CASZ1: variants seen among roughly 807,000 people sequenced by gnomAD.
CASZ1 encodes castor zinc finger 1.
CASZ1 carries 28 observed loss-of-function variants against 135.2 expected under a neutral mutation model. The ratio of observed to expected loss-of-function variants is 0.21; its 90% confidence interval spans 0.15 to 0.28. CASZ1 has a LOEUF of 0.28. CASZ1 is among the 10% of genes least tolerant of loss of function. The pLI is 1.00. For synonymous variants in CASZ1, 1,068 were observed against 1,073.4 expected, an observed-to-expected ratio of 0.99 and a Z score of 0.10; for missense variants, 2,161 against 2,453.3, an observed-to-expected ratio of 0.88 and a Z score of 2.52.
chr1:10,660,599 C>T (rs777298676), intron 5 of CASZ1, 63 bp from the exon 6 acceptor site: 1 of 1,465,642 alleles, frequency 6.8e-7, no homozygotes, highest in African/African-American at 1.4e-5. Context: ...GAGGTCCCCC[C>T]ACTGGGGGCC....
chr1:10,690,237 C>G (rs925196104), intron 4 of CASZ1, among the ~76,000 whole-genome samples: 1 of 152,224 alleles, frequency 6.6e-6, no homozygotes, highest in African/African-American at 2.4e-5. Context: ...TTCCTAGAAG[C>G]CTCCACACTT....
intron 5 of CASZ1, among the ~76,000 whole-genome samples, chr1:10,663,931 G>C (rs1479871145): frequency 6.6e-6 from 1 of 152,204 alleles, no homozygotes; most frequent in Non-Finnish European, 1.5e-5. Context: ...TGGCCTGGGT[G>C]GGGGTGTGGA....
intron 2 of CASZ1, among the ~76,000 whole-genome samples, chr1:10,731,745 C>T (rs998419922): frequency 2.0e-5 from 3 of 152,196 alleles, no homozygotes; most frequent in African/African-American, 4.8e-5. Flanking sequence ...TTGAGATACT[C>T]CTGCCTTTGC....
In CASZ1 at chr1:10,707,218, C is replaced by T. The variant is rs544239191; in HGVS notation, c.-76-1674G>A. Among the ~76,000 whole-genome samples, 2 of 152,278 alleles carry T rather than the reference C, an allele frequency of 1.3e-5. No homozygotes were observed. The highest frequency in any genetic ancestry group is 2.1e-4 in the South Asian group (1 of 4,828). ...CTCCACAACTCTGGTATCTCCCTTCCACCACCTTTCTCTCCCCTCCCATCC... is the reference window on the plus strand; with the variant it reads ...CTCCACAACTCTGGTATCTCCCTTCTACCACCTTTCTCTCCCCTCCCATCC... On this transcript the variant is annotated intron_variant, in intron 2 of 20. Coordinates refer to ENST00000377022, the MANE Select transcript of CASZ1 (RefSeq NM_001079843.3). This position sits in a 1 kb window ranked among gnomAD's most constrained non-coding sequence, Gnocchi z 5.0.
intron 3 of CASZ1, among the ~76,000 whole-genome samples, chr1:10,695,923 C>T (rs1270418190): frequency 1.3e-5 from 2 of 152,108 alleles, no homozygotes; most frequent in Non-Finnish European, 2.9e-5. Context: ...TCTTCACCTA[C>T]CCTGCTGCCC....
chr1:10,749,635 G>A (rs1009838483), intron 2 of CASZ1, among the ~76,000 whole-genome samples: 4 of 152,094 alleles, frequency 2.6e-5, no homozygotes, highest in African/African-American at 4.8e-5. Context: ...TGGACCAGGC[G>A]AATACGGAGA....
chr1:10,766,397 G>C (rs74976027), intron 1 of CASZ1, among the ~76,000 whole-genome samples: 1 of 152,186 alleles, frequency 6.6e-6, no homozygotes, highest in Admixed American at 6.5e-5. Context: ...TCAGTAAAAT[G>C]GGGATAAAGA....
In CASZ1 at chr1:10,756,393, G is replaced by A. The variant is rs1409239874; in HGVS notation, c.-77+4308C>T. ...TCTCCAGAGTGTTCCTGGAAGGCTG[G>A]GCTGGCCCATATGGCTGGGAATACG... On this transcript the variant is annotated intron_variant, in intron 2 of 20. Transcript: ENST00000377022. This position sits in a 1 kb window ranked among gnomAD's most constrained non-coding sequence, Gnocchi z 5.9. 1.3e-5 allele frequency among the ~76,000 whole-genome samples: 2 copies of A among 152,334 alleles called. No homozygotes were observed. Among genetic ancestry groups the A allele is most frequent in the East Asian group, 3.9e-4 (2 of 5,182 alleles).
intron 4 of CASZ1, among the ~76,000 whole-genome samples, chr1:10,672,344 A>G (rs1375292913): frequency 6.6e-6 from 1 of 151,612 alleles, no homozygotes; most frequent in Non-Finnish European, 1.5e-5. Flanking sequence ...TTTCCGATTC[A>G]CTGCTCCTGA....
chr1:10,637,115 T>C lies in CASZ1; in HGVS notation c.*1827A>G, dbSNP rs1407004874. The C allele has an allele frequency of 6.6e-6, 1 of 151,972 alleles. No individual in the cohort carries two copies. The highest frequency in any genetic ancestry group is 3.4e-3 in the Middle Eastern group (1 of 294). 9.4% of individuals were successfully genotyped at this position (151,972 alleles called of 1,614,324 possible). A position where few individuals can be genotyped will look rare whatever the true frequency, so the allele number is the denominator to read the frequency against. On this transcript the variant is annotated 3_prime_UTR_variant, in exon 21 of 21. Coordinates refer to ENST00000377022, the MANE Select transcript of CASZ1 (RefSeq NM_001079843.3). ...TCCGCACTGTCGGCATCTTCTTCTT[T>C]TCTTCTTTTTTTTTTTTAAGTTTGA...
In CASZ1 at chr1:10,657,183, A is replaced by G. The variant is rs996687115; in HGVS notation, c.1410-447T>C. Among the ~76,000 whole-genome samples the G allele has an allele frequency of 6.6e-5, 10 of 152,322 alleles. No individual in the cohort carries two copies. Among genetic ancestry groups the G allele is most frequent in the African/African-American group, 1.7e-4 (7 of 41,572 alleles). On this transcript the variant is annotated intron_variant, in intron 7 of 20. Coordinates refer to ENST00000377022, the MANE Select transcript of CASZ1 (RefSeq NM_001079843.3). This position sits in a 1 kb window ranked among gnomAD's most constrained non-coding sequence, Gnocchi z 5.7. ...GTCCTGGGCTTTTCCTGACACTTGA[A>G]ACAGTGCAGAGCTATGAATTTTTAA...
At position 10,670,430 on chromosome 1, in the gene CASZ1, G is replaced by T. The variant is rs570030580; in HGVS notation, c.17-4859C>A. ...TCCCGCCTAGGCATCCTGGAGTCAGGGGCGGGCGGCTGCCGGGGCTTCCAC... is the reference window on the plus strand; with the variant it reads ...TCCCGCCTAGGCATCCTGGAGTCAGTGGCGGGCGGCTGCCGGGGCTTCCAC... On this transcript the variant is annotated intron_variant, in intron 4 of 20. Transcript: ENST00000377022. Among the ~76,000 whole-genome samples, 6 of 152,356 alleles carry T rather than the reference G, an allele frequency of 3.9e-5. No homozygotes were observed. In the South Asian group the frequency reaches 1.2e-3, roughly 32 times the overall value.
chr1:10,791,948 T>C (rs1004953424), intron 1 of CASZ1, among the ~76,000 whole-genome samples: 6 of 152,068 alleles, frequency 3.9e-5, no homozygotes, highest in Admixed American at 6.6e-5. Flanking sequence ...AAGGAGAATA[T>C]GCAAACTCCT....
In CASZ1 at chr1:10,660,453, G is replaced by A. The variant is rs772916060; in HGVS notation, c.589C>T (p.Arg197Trp). The change falls in exon 6 of 21, where the codon CGG (arginine) becomes TGG (tryptophan). Residue 197 changes from arginine to tryptophan, a missense_variant. Around this residue, in one of 7 missense-constraint regions of CASZ1, gnomAD observed 590 missense variants for 609.8 expected, o/e 0.97. Transcript: ENST00000377022. ...GMFGYDDQNT[R>W]DELARKISFE... ...CTGATCTTCCTGGCCAGCTCGTCCC[G>A]CGTGTTCTGGTCATCATAGCCAAAC... 18 of 1,614,130 alleles carry A rather than the reference G, an allele frequency of 1.1e-5. No homozygotes were observed. Among genetic ancestry groups the A allele is most frequent in the South Asian group, 8.8e-5 (8 of 91,084 alleles).
rs1642024184 is a variant in CASZ1, at chr1:10,637,293, G to C, written c.*1649C>G. 1 of 152,506 alleles carries C rather than the reference G, an allele frequency of 6.6e-6. No homozygotes were observed. Among genetic ancestry groups the C allele is most frequent in the Non-Finnish European group, 1.5e-5 (1 of 68,022 alleles). The allele number at this position is 152,506 out of a possible 1,614,324, so 9.4% of individuals were successfully genotyped here. On this transcript the variant is annotated 3_prime_UTR_variant, in exon 21 of 21. Transcript: ENST00000377022. The stretch of plus-strand genomic sequence containing the variant: ...CACAGAGTTCAGGAGGCTCTGGTAG[G>C]GGCTGTTTTAGAAAATAACTGATTT...
At chr1:10,668,636 C>A (rs543164521) in intron 4 of CASZ1, among the ~76,000 whole-genome samples, 1 of 152,376 alleles carries the variant, frequency 6.6e-6, no homozygotes, top group South Asian at 2.1e-4. Context: ...GCCTCTGGCC[C>A]CACGGGCTCT....
rs1313766291 is a variant in CASZ1 at position 10,693,497 on chromosome 1, C to CCAA, written c.16+376_16+377insTTG. The stretch of plus-strand genomic sequence containing the variant: ...GACACACAAAGATCTTTGCAGAGAA[C>CCAA]AAAAAAAAAAAAAAAAAAAAAAAAA... On this transcript the variant is annotated intron_variant, in intron 4 of 20. Transcript: ENST00000377022. Among the ~76,000 whole-genome samples the CCAA allele has an allele frequency of 7.3e-4, 17 of 23,276 alleles. 1 individual carries two copies. Among genetic ancestry groups the CCAA allele is most frequent in the African/African-American group, 3.0e-3 (17 of 5,584 alleles). The allele number at this position is 23,276 out of a possible 152,430, so 15.3% of individuals were successfully genotyped here. A position where few individuals can be genotyped will look rare whatever the true frequency, so the allele number is the denominator to read the frequency against.
In CASZ1 at chr1:10,643,042, G is replaced by A. The variant is rs768365675; in HGVS notation, c.4021-42C>T. ...GTCCCTGAGGAAGTGGGGCTGTGGG[G>A]TATGCTGCCCACAGAGGGCAGGCTG... On this transcript the variant is annotated intron_variant, in intron 19 of 20. Coordinates refer to ENST00000377022, the MANE Select transcript of CASZ1 (RefSeq NM_001079843.3). The A allele has an allele frequency of 3.8e-6, 6 of 1,599,896 alleles. No homozygotes were observed. In the East Asian group the frequency reaches 1.3e-4, roughly 36 times the overall value.
At position 10,697,245 on chromosome 1, in the gene CASZ1, C is replaced by T. The variant is rs1638953985; in HGVS notation, c.-23-3333G>A. Among the ~76,000 whole-genome samples the T allele has an allele frequency of 6.6e-6, 1 of 152,026 alleles. No homozygotes were observed. Among genetic ancestry groups the T allele is most frequent in the South Asian group, 2.1e-4 (1 of 4,818 alleles). ...GGAGGGGCCCCCAGATTATGCGCCCCCCCCTTCTCTCTCTTTCTCTCTGAG... is the reference window on the plus strand; with the variant it reads ...GGAGGGGCCCCCAGATTATGCGCCCTCCCCTTCTCTCTCTTTCTCTCTGAG... On this transcript the variant is annotated intron_variant, in intron 3 of 20. Coordinates refer to ENST00000377022, the MANE Select transcript of CASZ1 (RefSeq NM_001079843.3). The surrounding 1 kb of genome is among the most constrained non-coding windows in gnomAD (Gnocchi z 4.7).
Sources: gnomAD v4.1 joint callset for allele counts (sites outside exome capture counted in the v4.1 genomes callset) on GRCh38, gnomAD v4.1.1 for gene constraint, gnomAD v4.1.1 regional missense constraint, Gnocchi (gnomAD v3.1) non-coding constraint, MANE v1.5 for transcripts, NCBI Gene and HGNC (gene_info 2026-07-23, HGNC 2026-07-21) for gene names.